Variants in TRIO observed in about 807,000 individuals in gnomAD.
The protein encoded by TRIO is triple functional domain protein.
Under a neutral mutation model 351.9 loss-of-function variants are expected in TRIO, and 58 were observed. The ratio of observed to expected loss-of-function variants is 0.16; its 90% confidence interval spans 0.13 to 0.21. The LOEUF is 0.21. Ranked by LOEUF, TRIO falls within the 10% of genes least tolerant of loss-of-function variation. TRIO has a pLI of 1.00. For synonymous variants in TRIO, 1,758 were observed against 1,595.7 expected, an observed-to-expected ratio of 1.10 and a Z score of -2.42; for missense variants, 3,201 against 4,027.8, an observed-to-expected ratio of 0.79 and a Z score of 5.56.
At position 14,291,211 on chromosome 5, in the gene TRIO, G is replaced by A; in HGVS notation, c.1036G>A (p.Glu346Lys). 1 of 1,613,608 alleles carries A rather than the reference G, an allele frequency of 6.2e-7. No homozygotes were observed. Among genetic ancestry groups the A allele is most frequent in the Non-Finnish European group, 8.5e-7 (1 of 1,179,704 alleles). ...LDQCFQLRLF[E>K]QDAEKMFDWI... ...CCAGTGCTTCCAGCTGAGGCTGTTT[G>A]AACAGGATGCTGAGAAGGTAAAGAC... Residue 346 changes from glutamate to lysine, a missense_variant, in exon 5 of 57, where the codon GAA becomes AAA. Around this residue, in one of 19 missense-constraint regions of TRIO, gnomAD observed 349 missense variants for 449.3 expected, o/e 0.78. Transcript: ENST00000344204.
At chr5:14,390,578 C>A (rs939238438) in intron 26 of TRIO, 2 of 538,288 alleles carry the variant, frequency 3.7e-6, no homozygotes, top group African/African-American at 3.8e-5. Flanking sequence ...CCCAGTCCTT[C>A]TGGGGGATCG....
chr5:14,150,833 C>CG (rs1787785774), intron 1 of TRIO, among the ~76,000 whole-genome samples: 1 of 152,040 alleles, frequency 6.6e-6, no homozygotes, highest in South Asian at 2.1e-4. Context: ...TATAATTGCC[C>CG]GGGGGTGATC....
rs779478883 is a variant in TRIO, at chr5:14,398,881, G to C, written c.4425G>C (p.Gly1475=). The C allele has an allele frequency of 3.1e-6, 5 of 1,610,520 alleles. No individual in the cohort carries two copies. The highest frequency in any genetic ancestry group is 4.2e-6 in the Non-Finnish European group (5 of 1,178,652). The change falls in exon 30 of 57, where the codon GGG becomes GGC. Residue 1475 remains glycine, a splice_region_variant and synonymous_variant. Transcript: ENST00000344204. ...TGCCTCCCTTTTTTCATGTTGTAGG[G>C]TTTGATGAAAACATTGAGTCTCAGG... ...NDAMHLSMLE[G]FDENIESQGE...
At chr5:14,309,614 G>C (rs1393968562) in intron 8 of TRIO, among the ~76,000 whole-genome samples, 5 of 152,178 alleles carry the variant, frequency 3.3e-5, no homozygotes, top group African/African-American at 1.2e-4. Context: ...CCCTAGTTCT[G>C]CAGTGACTGA....
intron 1 of TRIO, among the ~76,000 whole-genome samples, chr5:14,211,977 A>G (rs867591190): frequency 2.6e-5 from 4 of 151,588 alleles, no homozygotes; most frequent in Non-Finnish European, 2.9e-5. Flanking sequence ...AAAAACAAAA[A>G]CAAACAAACA....
chr5:14,365,187 G>T (rs990059475), intron 15 of TRIO, among the ~76,000 whole-genome samples: 4 of 152,178 alleles, frequency 2.6e-5, no homozygotes, highest in Non-Finnish European at 5.9e-5. Context: ...TTGTTTCTCA[G>T]ACTCCAGATG....
chr5:14,412,344 G>A (rs1324273247), intron 33 of TRIO, among the ~76,000 whole-genome samples: 3 of 152,184 alleles, frequency 2.0e-5, no homozygotes, highest in African/African-American at 4.8e-5. Flanking sequence ...GTCAAGTGAC[G>A]TTCTACACTC....
At chr5:14,207,445 A>T (rs377453797) in intron 1 of TRIO, among the ~76,000 whole-genome samples, 8 of 70,820 alleles carry the variant, frequency 1.1e-4, no homozygotes, top group African/African-American at 2.0e-4. Context: ...GCCAGGTAGC[A>T]TAGCAAGACT....
rs777112387 is a variant in TRIO at position 14,293,000 on chromosome 5, T to C, written c.1054-12T>C. 5 of 1,613,980 alleles carry C rather than the reference T, an allele frequency of 3.1e-6. No homozygotes were observed. In the Admixed American group the frequency reaches 5.0e-5, roughly 16 times the overall value. On this transcript the variant is annotated splice_polypyrimidine_tract_variant and intron_variant, in intron 5 of 56. Coordinates refer to ENST00000344204, the MANE Select transcript of TRIO (RefSeq NM_007118.4). ...CTGGAGTGATTGCGGGTTGTCTTTT[T>C]CCTTCCGGTAGATGTTTGACTGGAT...
intron 1 of TRIO, among the ~76,000 whole-genome samples, chr5:14,233,789 T>C (rs1169521319): frequency 6.6e-6 from 1 of 152,052 alleles, no homozygotes; most frequent in Non-Finnish European, 1.5e-5. Flanking sequence ...GTTTTTTGTT[T>C]GTGTGTTTTG....
chr5:14,288,957 C>T (rs557466842), intron 4 of TRIO, among the ~76,000 whole-genome samples: 3 of 152,054 alleles, frequency 2.0e-5, no homozygotes, highest in Non-Finnish European at 2.9e-5. Flanking sequence ...GATTTCTTGC[C>T]GAGGCCAGGC....
At chr5:14,272,504 T>G (rs1796033836) in intron 2 of TRIO, among the ~76,000 whole-genome samples, 1 of 152,262 alleles carries the variant, frequency 6.6e-6, no homozygotes, top group African/African-American at 2.4e-5. Context: ...ACACTAAAAC[T>G]GTTTACCTTT....
chr5:14,383,384 G>T (rs1579492638), intron 21 of TRIO, among the ~76,000 whole-genome samples: 1 of 152,304 alleles, frequency 6.6e-6, no homozygotes, highest in East Asian at 1.9e-4. Flanking sequence ...AGCTCCAGGG[G>T]CCATGCATGG....
At position 14,505,693 on chromosome 5, in the gene TRIO, C is replaced by T. The variant is rs547072944; in HGVS notation, c.8612+1100C>T. On this transcript the variant is annotated intron_variant, in intron 55 of 56. Coordinates refer to ENST00000344204, the MANE Select transcript of TRIO (RefSeq NM_007118.4). The stretch of plus-strand genomic sequence containing the variant: ...GGCTGCCACAGCGTCCCACATGGCC[C>T]CACATGCAGCCTTACCAGCTTCCTC... Among the ~76,000 whole-genome samples, 4 of 152,312 alleles carry T rather than the reference C, an allele frequency of 2.6e-5. No homozygotes were observed. The East Asian group carries it at 7.7e-4, about 29-fold the overall frequency.
chr5:14,181,675 GA>G (rs917161536), intron 1 of TRIO, among the ~76,000 whole-genome samples: 3 of 152,228 alleles, frequency 2.0e-5, no homozygotes, highest in Non-Finnish European at 4.4e-5. Context: ...TCAGTGTCCT[GA>G]AAACGCTGGC....
At chr5:14,338,968 C>G (rs148453014) in intron 11 of TRIO, among the ~76,000 whole-genome samples, 343 of 152,216 alleles carry the variant, frequency 2.3e-3, no homozygotes, top group African/African-American at 7.8e-3. Context: ...TCCCACCAAG[C>G]AGTATTTGTG....
Position 14,496,863 on chromosome 5 carries a change from T to C in TRIO, c.7881-16T>C, listed in dbSNP as rs1756929364. 2 of 1,613,456 alleles carry C rather than the reference T, an allele frequency of 1.2e-6. No homozygotes were observed. The highest frequency in any genetic ancestry group is 2.7e-5 in the African/African-American group (2 of 74,862). On this transcript the variant is annotated splice_polypyrimidine_tract_variant and intron_variant, in intron 49 of 56. Coordinates refer to ENST00000344204, the MANE Select transcript of TRIO (RefSeq NM_007118.4). The stretch of plus-strand genomic sequence containing the variant: ...TTGGAAAGGCATAATACCCACAGTG[T>C]GTTCATTTCCCCTAGGAAGTCAACA...
intron 1 of TRIO, among the ~76,000 whole-genome samples, chr5:14,209,704 G>A (rs532094536): frequency 6.6e-6 from 1 of 152,274 alleles, no homozygotes; most frequent in African/African-American, 2.4e-5. Flanking sequence ...TGTTGTTTGA[G>A]GTTGTGCAGC....
At chr5:14,403,253 G>C (rs1748289985) in intron 31 of TRIO, among the ~76,000 whole-genome samples, 3 of 131,616 alleles carry the variant, frequency 2.3e-5, no homozygotes, top group African/African-American at 5.9e-5. Context: ...GAGGGTACAG[G>C]TGGTGGTGAG....
Sources: gnomAD v4.1 joint callset for allele counts (sites outside exome capture counted in the v4.1 genomes callset) on GRCh38, gnomAD v4.1.1 for gene constraint, gnomAD v4.1.1 regional missense constraint, MANE v1.5 for transcripts, NCBI Gene and HGNC (gene_info 2026-07-23, HGNC 2026-07-21) for gene names.